The following MACF1 variants were observed in gnomAD, a reference collection of about 807,000 sequenced individuals.
MACF1 encodes the protein microtubule-actin cross-linking factor 1.
Under a neutral mutation model 854.8 loss-of-function variants are expected in MACF1, and 193 were observed. The observed-to-expected ratio is 0.23, with a 90% CI of 0.20 to 0.25. The LOEUF (loss-of-function observed/expected upper bound fraction) is 0.25, where lower values mean the gene tolerates loss of function less well. Ranked by LOEUF, MACF1 falls within the 10% of genes least tolerant of loss-of-function variation. The pLI, the probability that MACF1 is intolerant of heterozygous loss-of-function variation, is 1.00. For synonymous variants in MACF1, 3,185 were observed against 3,226.7 expected (o/e 0.99, Z 0.44); for missense variants, 7,722 against 8,929.1 (o/e 0.86, Z 5.45).
chr1:39,211,502 A>G (rs1190069722), intron 1 of MACF1, among the ~76,000 whole-genome samples: 1 of 152,110 alleles, frequency 6.6e-6, no homozygotes, highest in Non-Finnish European at 1.5e-5. Flanking sequence ...TCCTGGACTC[A>G]AGCAATCCTC....
chr1:39,360,034 T>A (rs1163164931), intron 47 of MACF1, among the ~76,000 whole-genome samples: 19 of 85,178 alleles, frequency 2.2e-4, no homozygotes, highest in Admixed American at 4.1e-4. Flanking sequence ...TATATATATA[T>A]ATATATATAT....
intron 41 of MACF1, 128 bp downstream of exon 41, chr1:39,347,338 A>G (rs1048086776): frequency 4.2e-6 from 3 of 718,834 alleles, no homozygotes; most frequent in African/African-American, 1.8e-5. Flanking sequence ...ATTTCATGTC[A>G]TGCAGGCCAG....
intron 97 of MACF1, among the ~76,000 whole-genome samples, chr1:39,473,111 T>A (rs376263738): frequency 6.6e-6 from 1 of 152,244 alleles, no homozygotes; most frequent in Non-Finnish European, 1.5e-5. Context: ...ATTATGTTTA[T>A]TTGTTTCGTT....
chr1:39,364,968 G>C (rs2148525706), intron 49 of MACF1, among the ~76,000 whole-genome samples: 1 of 151,980 alleles, frequency 6.6e-6, no homozygotes, highest in South Asian at 2.1e-4. Flanking sequence ...AACAATTTAA[G>C]CTTATTCTGA....
chr1:39,152,008 CTT>C (rs1422173047), intron 2 of MACF1, among the ~76,000 whole-genome samples: 2 of 151,948 alleles, frequency 1.3e-5, no homozygotes, highest in Non-Finnish European at 2.9e-5. Flanking sequence ...GAGTTTTGCT[CTT>C]GTTACCTAGG....
At chr1:39,145,387 G>T (rs1643439488) in intron 2 of MACF1, among the ~76,000 whole-genome samples, 1 of 151,956 alleles carries the variant, frequency 6.6e-6, no homozygotes, top group Admixed American at 6.6e-5. Flanking sequence ...CAGGTCTCTG[G>T]GCATATACAT....
chr1:39,416,573 A>C (rs867481414), intron 58 of MACF1, among the ~76,000 whole-genome samples: 4 of 152,212 alleles, frequency 2.6e-5, no homozygotes, highest in Non-Finnish European at 2.9e-5. Context: ...ATTTATAGTG[A>C]GGCAATCAAA....
chr1:39,119,312 C>G (rs1212532715), intron 2 of MACF1, among the ~76,000 whole-genome samples: 1 of 117,768 alleles, frequency 8.5e-6, no homozygotes, highest in Admixed American at 8.8e-5. Context: ...AGCGAAACTC[C>G]GTCTCAAAAA....
intron 61 of MACF1, among the ~76,000 whole-genome samples, 159 bp from the exon 62 acceptor site, chr1:39,427,296 A>AC (rs1643758433): frequency 6.6e-6 from 1 of 152,208 alleles, no homozygotes; most frequent in Non-Finnish European, 1.5e-5. Context: ...AATGGTGTGA[A>AC]ATCCTTTAAA....
intron 58 of MACF1, among the ~76,000 whole-genome samples, chr1:39,408,937 G>T (rs1299718558): frequency 6.7e-6 from 1 of 148,922 alleles, no homozygotes; most frequent in African/African-American, 2.5e-5. Flanking sequence ...CCCCGCCCCC[G>T]CCGGGCCCCG....
Position 39,283,166 on chromosome 1 carries a change from T to C in MACF1, c.696-23T>C, listed in dbSNP as rs906702248. Reference sequence around the variant, plus strand: ...GTGATGTGTAGATGGTGGCGTTTCATGTGCCTTGCTGGACTTTTACAGACC... The same window carrying C: ...GTGATGTGTAGATGGTGGCGTTTCACGTGCCTTGCTGGACTTTTACAGACC... On this transcript the variant is annotated intron_variant, in intron 7 of 100. Transcript: ENST00000564288. The surrounding 1 kb of genome is among the most constrained non-coding windows in gnomAD (Gnocchi z 4.5). 1.3e-6 allele frequency: 2 copies of C among 1,483,546 alleles called. No homozygotes were observed. The highest frequency in any genetic ancestry group is 1.4e-5 in the African/African-American group (1 of 71,942). The allele number at this position is 1,483,546 out of a possible 1,614,324, so 91.9% of individuals were successfully genotyped here.
At position 39,385,804 on chromosome 1, in the gene MACF1, T is replaced by C. The variant is rs1186112082; in HGVS notation, c.14219T>C (p.Val4740Ala). 8 of 1,613,914 alleles carry C rather than the reference T, an allele frequency of 5.0e-6. No homozygotes were observed. Among genetic ancestry groups the C allele is most frequent in the South Asian group, 1.1e-5 (1 of 91,068 alleles). Residue 4740 changes from valine (V) to alanine (A), a missense_variant, in exon 57 of 101, where the codon GTT becomes GCT. Transcript: ENST00000564288. ...RSDLEQLDHE[V>A]KEAQTLCDEL... ...GACTTGGAGCAGTTAGACCACGAGG[T>C]TAAGGAGGCTCAGACACTGTGCGAT...
At chr1:39,245,258 C>T (rs922608303) in intron 2 of MACF1, among the ~76,000 whole-genome samples, 4 of 152,256 alleles carry the variant, frequency 2.6e-5, no homozygotes, top group African/African-American at 9.6e-5. Context: ...AAGATGACCT[C>T]ACTTGGTCCT....
chr1:39,210,799 A>G (rs2148275903), intron 1 of MACF1, among the ~76,000 whole-genome samples: 1 of 152,262 alleles, frequency 6.6e-6, no homozygotes, highest in East Asian at 1.9e-4. Flanking sequence ...CTATGTTTTT[A>G]TCCTAGTTCT....
At chr1:39,304,693 A>G (rs1020728836) in intron 23 of MACF1, 2 of 422,660 alleles carry the variant, frequency 4.7e-6, no homozygotes, top group Middle Eastern at 7.0e-4. Context: ...CCTCCTGAGT[A>G]GCTGGGACTA....
intron 29 of MACF1, 50 bp downstream of exon 29, chr1:39,317,457 C>A: frequency 6.4e-7 from 1 of 1,564,270 alleles, no homozygotes; most frequent in South Asian, 1.2e-5. Context: ...GGGACTAGGT[C>A]TTAAACAAAA....
Position 39,448,146 on chromosome 1 carries a change from G to C in MACF1, c.20082G>C (p.Lys6694Asn), listed in dbSNP as rs1454466804. 1.2e-6 allele frequency: 2 copies of C among 1,613,850 alleles called. No homozygotes were observed. The highest frequency in any genetic ancestry group is 3.3e-5 in the Admixed American group (2 of 59,946). Residue 6694 changes from lysine (K) to asparagine (N), a missense_variant, in exon 83 of 101, where the codon AAG becomes AAC. Transcript: ENST00000564288. ...DPDKIKLQLSKHKEFQKTLGG... is the reference protein window; with the variant it reads ...DPDKIKLQLSNHKEFQKTLGG... ...ACAAAATTAAACTTCAGCTTTCTAAGCATAAGGTAAAGCAGTTAATTGCTC... is the reference window on the plus strand; with the variant it reads ...ACAAAATTAAACTTCAGCTTTCTAACCATAAGGTAAAGCAGTTAATTGCTC...
At chr1:39,393,207 A>ATATAT (rs1642124000) in intron 58 of MACF1, among the ~76,000 whole-genome samples, 1 of 138,040 alleles carries the variant, frequency 7.2e-6, no homozygotes, top group Non-Finnish European at 1.5e-5. Flanking sequence ...ATATATATAT[A>ATATAT]TATATATATA....
chr1:39,097,970 G>A (rs1227408786), intron 2 of MACF1, among the ~76,000 whole-genome samples: 1 of 152,142 alleles, frequency 6.6e-6, no homozygotes, highest in Non-Finnish European at 1.5e-5. Flanking sequence ...CAAGTGAAGA[G>A]AAGTTTCATA....
Sources: gnomAD v4.1 joint callset for allele counts (sites outside exome capture counted in the v4.1 genomes callset) on GRCh38, gnomAD v4.1.1 for gene constraint, Gnocchi (gnomAD v3.1) non-coding constraint, MANE v1.5 for transcripts, NCBI Gene and HGNC (gene_info 2026-07-23, HGNC 2026-07-21) for gene names.